The following ADD3 variants were observed in gnomAD, a reference collection of about 807,000 sequenced individuals.
ADD3 encodes gamma-adducin.
In ADD3, 25 loss-of-function variants were observed where a neutral mutation model predicts 80.2. The ratio of observed to expected loss-of-function variants is 0.31; its 90% CI spans 0.23 to 0.44. The LOEUF (loss-of-function observed/expected upper bound fraction) is 0.44. Ranked by LOEUF, ADD3 falls within the 20% of genes least tolerant of loss-of-function variation. The pLI is 1.00. For synonymous variants in ADD3, 284 were observed against 289.6 expected (o/e 0.98, Z 0.20); for missense variants, 829 against 847.5 (o/e 0.98, Z 0.27).
intron 1 of ADD3, among the ~76,000 whole-genome samples, chr10:110,028,881 C>CTTT (rs755564434): frequency 0.01 from 1,446 of 140,296 alleles, 28 homozygotes; most frequent in African/African-American, 0.036. Flanking sequence ...CATCACTTTC[C>CTTT]TTTTTTTTTT....
intron 12 of ADD3, among the ~76,000 whole-genome samples, chr10:110,128,049 ATTTTT>A (rs71486096): frequency 1.9e-5 from 2 of 105,986 alleles, no homozygotes; most frequent in Non-Finnish European, 3.8e-5. Context: ...TTTGTTTAGG[ATTTTT>A]TTTTTTTTTT....
intron 1 of ADD3, among the ~76,000 whole-genome samples, chr10:110,017,117 G>A (rs1194704733): frequency 6.6e-6 from 1 of 152,152 alleles, no homozygotes; most frequent in Non-Finnish European, 1.5e-5. Context: ...AGATCGTACC[G>A]TTAACAAAGG....
intron 1 of ADD3, among the ~76,000 whole-genome samples, chr10:110,033,648 T>G (rs1855309174): frequency 6.6e-6 from 1 of 152,198 alleles, no homozygotes; most frequent in African/African-American, 2.4e-5. Flanking sequence ...ACCAGTTAAT[T>G]TTTAATTTAA....
At chr10:110,079,422 AATG>A (rs1845748197) in intron 1 of ADD3, 1 of 145,876 alleles carries the variant, frequency 6.9e-6, no homozygotes, top group East Asian at 2.0e-4. Flanking sequence ...TTTTCAAAAA[AATG>A]ATGAGAGAGA....
intron 1 of ADD3, among the ~76,000 whole-genome samples, chr10:110,057,479 G>C (rs138700854): frequency 8.0e-4 from 122 of 152,262 alleles, no homozygotes; most frequent in Non-Finnish European, 1.5e-3. Flanking sequence ...TAATGCTTTA[G>C]ATCTACTGGT....
chr10:110,132,924 CAAAA>C (rs60435351), intron 14 of ADD3, among the ~76,000 whole-genome samples: 3 of 66,272 alleles, frequency 4.5e-5, no homozygotes, highest in African/African-American at 9.8e-5. Context: ...GACTCCGCCT[CAAAA>C]AAAAAAAAAA....
intron 1 of ADD3, among the ~76,000 whole-genome samples, chr10:110,074,395 C>T (rs1200560955): frequency 6.6e-6 from 1 of 152,158 alleles, no homozygotes; most frequent in Non-Finnish European, 1.5e-5. Context: ...GTCTTCTCTT[C>T]ATTGATCAAG....
rs565254757 is a variant in ADD3 at position 110,098,865 on chromosome 10, G to A, written c.-29-1760G>A. Among the ~76,000 whole-genome samples the A allele has an allele frequency of 2.6e-5, 4 of 151,932 alleles. No homozygotes were observed. In the East Asian group the frequency reaches 5.8e-4, roughly 22 times the overall value. On this transcript the variant is annotated intron_variant, in intron 1 of 14. Transcript: ENST00000356080. ...AGGCTGGTCTCGAACTCCTGACCTC[G>A]TGATCTGCCCCCTTGGCCTCCCAAA...
intron 1 of ADD3, among the ~76,000 whole-genome samples, chr10:110,066,680 T>TA (rs1265672681): frequency 1.3e-5 from 2 of 152,296 alleles, no homozygotes; most frequent in Non-Finnish European, 2.9e-5. Context: ...AGAAGTCTGT[T>TA]ACAGGCTTCG....
intron 3 of ADD3, among the ~76,000 whole-genome samples, chr10:110,114,220 G>A (rs1227031728): frequency 6.6e-6 from 1 of 152,178 alleles, no homozygotes; most frequent in Non-Finnish European, 1.5e-5. Flanking sequence ...AAAAGCGGAA[G>A]TTAAAGTTGG....
chr10:110,057,543 C>T (rs566093532), intron 1 of ADD3, among the ~76,000 whole-genome samples: 2 of 152,148 alleles, frequency 1.3e-5, no homozygotes, highest in Non-Finnish European at 2.9e-5. Flanking sequence ...TTATTGATGT[C>T]TAGGTCTCAC....
chr10:110,014,935 G>T (rs540446564), intron 1 of ADD3, among the ~76,000 whole-genome samples: 5 of 151,538 alleles, frequency 3.3e-5, no homozygotes, highest in African/African-American at 1.2e-4. Context: ...GTGCAGTGGC[G>T]TGATCTCGGC....
At chr10:110,027,021 AG>A (rs1187414495) in intron 1 of ADD3, among the ~76,000 whole-genome samples, 1 of 152,248 alleles carries the variant, frequency 6.6e-6, no homozygotes, top group Non-Finnish European at 1.5e-5. Context: ...ATCAATATTT[AG>A]AATGAAGATC....
chr10:110,034,749 G>A (rs559385337), intron 1 of ADD3, among the ~76,000 whole-genome samples: 19 of 152,224 alleles, frequency 1.2e-4, no homozygotes, highest in African/African-American at 4.6e-4. Flanking sequence ...CCTTAAAAAT[G>A]ACATCTGAGA....
Position 110,135,198 on chromosome 10 carries a change from A to G in ADD3, c.*1580A>G, listed in dbSNP as rs1395858031. The G allele has an allele frequency of 1.3e-5, 2 of 152,564 alleles. No individual in the cohort carries two copies. Among genetic ancestry groups the G allele is most frequent in the East Asian group, 3.8e-4 (2 of 5,198 alleles). The allele number at this position is 152,564 out of a possible 1,614,324, so 9.5% of individuals were successfully genotyped here. ...CATTCTAGATCTCACTAACTACTGG[A>G]ATCAGTGTTTTAATCTCTTGGTGGA... On this transcript the variant is annotated 3_prime_UTR_variant, in exon 15 of 15. Coordinates refer to ENST00000356080, the MANE Select transcript of ADD3 (RefSeq NM_016824.5).
At chr10:110,084,203 A>G (rs1846416147) in intron 1 of ADD3, among the ~76,000 whole-genome samples, 1 of 152,240 alleles carries the variant, frequency 6.6e-6, no homozygotes, top group Admixed American at 6.5e-5. Context: ...ATTACCATGA[A>G]AGCTTGAAAG....
chr10:110,012,789 A>T (rs1226201388), intron 1 of ADD3, among the ~76,000 whole-genome samples: 1 of 151,484 alleles, frequency 6.6e-6, no homozygotes, highest in Admixed American at 6.6e-5. Flanking sequence ...TTTTTGAGAC[A>T]GCTCTCACTA....
chr10:110,132,420 A>C lies in ADD3; in HGVS notation c.1828+20A>C. On this transcript the variant is annotated intron_variant, in intron 14 of 14. Coordinates refer to ENST00000356080, the MANE Select transcript of ADD3 (RefSeq NM_016824.5). Reference sequence around the variant, plus strand: ...TAGAAGGTACTCAATGTAATTTCCCACATAGCATTCACTGAGTTAGTCTTG... The same window carrying C: ...TAGAAGGTACTCAATGTAATTTCCCCCATAGCATTCACTGAGTTAGTCTTG... 1 of 1,527,442 alleles carries C rather than the reference A, an allele frequency of 6.5e-7. No individual in the cohort carries two copies. The highest frequency in any genetic ancestry group is 9.1e-7 in the Non-Finnish European group (1 of 1,101,826). 94.6% of individuals were successfully genotyped at this position (1,527,442 alleles called of 1,614,324 possible). A position where few individuals can be genotyped will look rare whatever the true frequency, so the allele number is the denominator to read the frequency against.
At chr10:110,093,747 C>A (rs1172975576) in intron 1 of ADD3, among the ~76,000 whole-genome samples, 1 of 152,160 alleles carries the variant, frequency 6.6e-6, no homozygotes, top group Non-Finnish European at 1.5e-5. Flanking sequence ...TCTCCTAATA[C>A]TCTTTGTCTT....
Sources: allele counts gnomAD v4.1 joint callset (sites outside exome capture counted in the v4.1 genomes callset), GRCh38; gene constraint gnomAD v4.1.1; transcripts MANE v1.5; gene names NCBI Gene and HGNC (gene_info 2026-07-23, HGNC 2026-07-21).